Variants in SLC35F1 observed in about 807,000 individuals in gnomAD.
SLC35F1 encodes chromosome 6 open reading frame 169.
Under a neutral mutation model 48.7 loss-of-function variants are expected in SLC35F1, and 14 were observed. The ratio of observed to expected loss-of-function variants is 0.29; its 90% CI spans 0.19 to 0.45. The LOEUF is 0.45. SLC35F1 is among the 20% of genes least tolerant of loss of function. SLC35F1 has a pLI of 1.00. For synonymous variants in SLC35F1, 190 were observed against 202.2 expected (o/e 0.94, Z 0.51); for missense variants, 404 against 500.0 (o/e 0.81, Z 1.83).
At position 118,260,279 on chromosome 6, in the gene SLC35F1, AG is replaced by A. The variant is rs150098630; in HGVS notation, c.478-6714del. ...GGAGTTTCTTTTGAGGATGGTGAAA[AG>A]GTTCTGAAATTAGATAGTAGTGATG... On this transcript the variant is annotated intron_variant, in intron 3 of 7. Transcript: ENST00000360388. Among the ~76,000 whole-genome samples, 1,509 of 152,206 alleles carry A rather than the reference AG, an allele frequency of 9.9e-3. 27 individuals are homozygous for A. The highest frequency in any genetic ancestry group is 0.035 in the African/African-American group (1,436 of 41,540).
chr6:117,942,251 T>C (rs138829263), intron 1 of SLC35F1, among the ~76,000 whole-genome samples: 75 of 152,286 alleles, frequency 4.9e-4, no homozygotes, highest in African/African-American at 1.8e-3. Flanking sequence ...GATTCTGACC[T>C]AATTCTATTG....
rs1295821244 is a variant in SLC35F1 at position 118,297,756 on chromosome 6, TATATATATA to T, written c.1002+12428_1002+12436del. Among the ~76,000 whole-genome samples, 781 of 144,160 alleles carry T rather than the reference TATATATATA, an allele frequency of 5.4e-3. 12 individuals carry two copies. Among genetic ancestry groups the T allele is most frequent in the Middle Eastern group, 0.018 (5 of 272 alleles). 94.6% of individuals were successfully genotyped at this position (144,160 alleles called of 152,430 possible). ...AGTTCTGAGAAATATATATATATAA[TATATATATA>T]ATATATATATATACACACATATATT... On this transcript the variant is annotated intron_variant, in intron 7 of 7. Coordinates refer to ENST00000360388, the MANE Select transcript of SLC35F1 (RefSeq NM_001029858.4).
intron 1 of SLC35F1, among the ~76,000 whole-genome samples, chr6:117,923,688 T>TACATATATGTACAC (rs1775954650): frequency 1.7e-5 from 1 of 59,802 alleles, no homozygotes; most frequent in African/African-American, 4.2e-5. Flanking sequence ...CATATATACA[T>TACATATATGTACAC]ATGTACATAT....
chr6:117,974,597 A>G (rs1776682959), intron 1 of SLC35F1, among the ~76,000 whole-genome samples: 1 of 152,170 alleles, frequency 6.6e-6, no homozygotes, highest in Non-Finnish European at 1.5e-5. Flanking sequence ...AGCTATTCTT[A>G]AGAATTTTGG....
At chr6:117,951,986 C>T (rs556350294) in intron 1 of SLC35F1, among the ~76,000 whole-genome samples, 1 of 152,350 alleles carries the variant, frequency 6.6e-6, no homozygotes, top group African/African-American at 2.4e-5. Context: ...GTGAATGCTG[C>T]CTGAGTTGTG....
chr6:118,266,858 A>C, intron 3 of SLC35F1, 137 bp from the exon 4 acceptor site: 1 of 830,836 alleles, frequency 1.2e-6, no homozygotes, highest in South Asian at 1.7e-5. Context: ...TAAGTACATC[A>C]AGTCTGGGTC....
chr6:118,091,675 T>C (rs891875270), intron 1 of SLC35F1, among the ~76,000 whole-genome samples: 19 of 152,132 alleles, frequency 1.2e-4, no homozygotes, highest in African/African-American at 4.6e-4. Flanking sequence ...TACCTGAAAA[T>C]GTGGAAGAAA....
chr6:118,062,209 T>C (rs898762847), intron 1 of SLC35F1, among the ~76,000 whole-genome samples: 10 of 152,178 alleles, frequency 6.6e-5, no homozygotes, highest in Non-Finnish European at 1.5e-4. Context: ...TTTAATGTTA[T>C]AAGAAAGCAA....
intron 3 of SLC35F1, among the ~76,000 whole-genome samples, chr6:118,255,018 CAG>C (rs1775624670): frequency 6.6e-6 from 1 of 152,162 alleles, no homozygotes; most frequent in Non-Finnish European, 1.5e-5. Context: ...TCAATAGCCT[CAG>C]AGTTTTCTCT....
intron 1 of SLC35F1, among the ~76,000 whole-genome samples, chr6:118,137,689 G>C (rs373274639): frequency 6.6e-6 from 1 of 152,168 alleles, no homozygotes; most frequent in Non-Finnish European, 1.5e-5. Context: ...ATCTCCACAG[G>C]CTGGAAGCCC....
chr6:118,185,037 G>A (rs1431165848), intron 2 of SLC35F1, among the ~76,000 whole-genome samples: 1 of 152,142 alleles, frequency 6.6e-6, no homozygotes, highest in Admixed American at 6.6e-5. Context: ...AGCTCCTGAT[G>A]CCACACTTGA....
intron 2 of SLC35F1, among the ~76,000 whole-genome samples, chr6:118,187,905 A>C (rs760397385): frequency 6.6e-6 from 1 of 152,226 alleles, no homozygotes; most frequent in Non-Finnish European, 1.5e-5. Flanking sequence ...ATAAATTCCT[A>C]TTGCCCAATT....
chr6:118,042,358 T>A (rs2114902889), intron 1 of SLC35F1, among the ~76,000 whole-genome samples: 1 of 152,308 alleles, frequency 6.6e-6, no homozygotes, highest in East Asian at 1.9e-4. Flanking sequence ...CGTTGGGTGG[T>A]GGCACAAAGC....
chr6:118,186,257 A>C (rs1443548463), intron 2 of SLC35F1, among the ~76,000 whole-genome samples: 2 of 152,144 alleles, frequency 1.3e-5, no homozygotes, highest in East Asian at 3.9e-4. Flanking sequence ...GGAGAGGAGT[A>C]AGAAGAGTTC....
At chr6:117,983,079 A>G (rs759562707) in intron 1 of SLC35F1, among the ~76,000 whole-genome samples, 10 of 152,198 alleles carry the variant, frequency 6.6e-5, no homozygotes, top group Non-Finnish European at 1.3e-4. Context: ...GATTCTATTC[A>G]TTAAACTGGA....
intron 1 of SLC35F1, among the ~76,000 whole-genome samples, chr6:117,921,599 G>A (rs546906877): frequency 1.3e-5 from 2 of 152,310 alleles, no homozygotes; most frequent in South Asian, 2.1e-4. Context: ...CTTAGTGAAA[G>A]CGGGGTGCTT....
intron 7 of SLC35F1, among the ~76,000 whole-genome samples, chr6:118,309,193 G>A (rs919552777): frequency 6.6e-6 from 1 of 151,630 alleles, no homozygotes; most frequent in Admixed American, 6.6e-5. Flanking sequence ...GTGTGTGTGT[G>A]TGTGTGTGTG....
intron 1 of SLC35F1, among the ~76,000 whole-genome samples, chr6:118,051,134 T>C (rs1435259747): frequency 6.6e-6 from 1 of 152,232 alleles, no homozygotes; most frequent in Non-Finnish European, 1.5e-5. Flanking sequence ...TTCTGCATTA[T>C]AGATTTGAAA....
chr6:118,052,367 C>T (rs1772403744), intron 1 of SLC35F1, among the ~76,000 whole-genome samples: 1 of 152,172 alleles, frequency 6.6e-6, no homozygotes, highest in Non-Finnish European at 1.5e-5. Context: ...CAATCTTTGA[C>T]TCTGAGTTTG....
Sources: gnomAD v4.1 joint callset for allele counts (sites outside exome capture counted in the v4.1 genomes callset) on GRCh38, gnomAD v4.1.1 for gene constraint, MANE v1.5 for transcripts, NCBI Gene and HGNC (gene_info 2026-07-23, HGNC 2026-07-21) for gene names.